The following LRTM3 variants were observed in gnomAD, a reference collection of about 807,000 sequenced individuals.
LRTM3 encodes the protein leucine rich repeat transmembrane protein 3, also known as leucine-rich repeat transmembrane protein 3.
At chr13:102,745,950 G>A in the LRTM3 span, 2 of 1,551,192 alleles carry the variant, frequency 1.3e-6, no homozygotes, top group South Asian at 2.4e-5. Flanking sequence ...GATTTGACAA[G>A]CTCATTATCC....
chr13:102,755,218 C>T, the LRTM3 span, among the ~76,000 whole-genome samples: 1 of 151,192 alleles, frequency 6.6e-6, no homozygotes, highest in African/African-American at 2.4e-5. Flanking sequence ...CCTCTCTGCC[C>T]CCCCAGCTAC....
chr13:102,731,472 T>C, the LRTM3 span: 8 of 1,551,428 alleles, frequency 5.2e-6, no homozygotes, highest in African/African-American at 2.7e-5. Flanking sequence ...TCTTTGGGAG[T>C]AAACTGTTCT....
chr13:102,734,847 G>A, the LRTM3 span: 3 of 1,550,922 alleles, frequency 1.9e-6, no homozygotes, highest in Non-Finnish European at 2.6e-6. Flanking sequence ...TGATGTTTGG[G>A]GAATATTAAG....
At chr13:102,747,973 A>G in the LRTM3 span, 1 of 1,551,108 alleles carries the variant, frequency 6.4e-7, no homozygotes, top group Non-Finnish European at 8.7e-7. Flanking sequence ...GTTCCTTTCT[A>G]TCACATTGTT....
At chr13:102,731,240 T>C in the LRTM3 span, 6 of 1,551,412 alleles carry the variant, frequency 3.9e-6, no homozygotes, top group South Asian at 2.4e-5. Flanking sequence ...TGAATCCTTT[T>C]GGTGTTTATG....
the LRTM3 span, chr13:102,738,110 A>AT: frequency 6.5e-7 from 1 of 1,549,956 alleles, no homozygotes; most frequent in South Asian, 1.2e-5. Context: ...TTCTTGATCC[A>AT]TTTTCCCTGG....
chr13:102,735,105 C>T, the LRTM3 span: 1 of 1,551,248 alleles, frequency 6.4e-7, no homozygotes, highest in Non-Finnish European at 8.7e-7. Context: ...AACATGACAC[C>T]TGGCCCACTT....
chr13:102,744,428 G>A, the LRTM3 span: 1 of 1,550,014 alleles, frequency 6.5e-7, no homozygotes, highest in Non-Finnish European at 8.7e-7. Flanking sequence ...ACGTGGTATT[G>A]AACCAATCTT....
the LRTM3 span, chr13:102,747,299 G>A: frequency 1.9e-6 from 3 of 1,549,002 alleles, no homozygotes; most frequent in South Asian, 1.2e-5. Context: ...CATACCTGCT[G>A]CAATTTTATC....
chr13:102,731,256 A>T, the LRTM3 span: 1 of 1,551,362 alleles, frequency 6.4e-7, no homozygotes, highest in Admixed American at 2.0e-5. Context: ...TTATGTTTTG[A>T]GTTAGGTTCT....
At chr13:102,751,464 G>A in the LRTM3 span, among the ~76,000 whole-genome samples, 1 of 150,758 alleles carries the variant, frequency 6.6e-6, no homozygotes, top group East Asian at 1.9e-4. Context: ...ATATTCTTTG[G>A]TCCCATCCCA....
chr13:102,735,521 A>G, the LRTM3 span: 1 of 1,551,002 alleles, frequency 6.4e-7, no homozygotes, highest in Non-Finnish European at 8.7e-7. Context: ...ATCTTCCTGA[A>G]TCTTTCTCTT....
the LRTM3 span, chr13:102,743,723 T>A: frequency 6.5e-7 from 1 of 1,549,786 alleles, no homozygotes; most frequent in Non-Finnish European, 8.7e-7. Flanking sequence ...TAAATAGGAT[T>A]TACATTTCTT....
chr13:102,730,145 G>C, the LRTM3 span: 4 of 1,549,872 alleles, frequency 2.6e-6, no homozygotes, highest in East Asian at 2.4e-5. Flanking sequence ...AATAATTAAG[G>C]TTTCCTTTCT....
chr13:102,737,677 C>G, the LRTM3 span: 160 of 1,549,272 alleles, frequency 1.0e-4, no homozygotes, highest in Non-Finnish European at 1.3e-4. Flanking sequence ...TTACTTCATC[C>G]TCTTCTTTCT....
chr13:102,743,360 G>C, the LRTM3 span: 1 of 1,550,372 alleles, frequency 6.5e-7, no homozygotes, highest in African/African-American at 1.4e-5. Context: ...TGGAGTGAAG[G>C]AAGTTGTATT....
the LRTM3 span, among the ~76,000 whole-genome samples, chr13:102,750,943 G>T: frequency 6.6e-6 from 1 of 152,142 alleles, no homozygotes; most frequent in Non-Finnish European, 1.5e-5. Flanking sequence ...TACCTCAAAT[G>T]ATTAGTCTCA....
chr13:102,733,841 C>T, the LRTM3 span: 14 of 1,551,376 alleles, frequency 9.0e-6, no homozygotes, highest in Middle Eastern at 1.7e-4. Context: ...TGCCTCTGGG[C>T]GGGGCACATA....
chr13:102,735,007 G>A, the LRTM3 span: 2 of 1,551,158 alleles, frequency 1.3e-6, no homozygotes, highest in East Asian at 2.4e-5. Context: ...GGGGAAAAGA[G>A]GGTCTTGTTA....
Sources: gnomAD v4.1 joint callset for allele counts (sites outside exome capture counted in the v4.1 genomes callset) on GRCh38, gnomAD v4.1.1 for gene constraint, MANE v1.5 for transcripts, NCBI Gene and HGNC (gene_info 2026-07-23, HGNC 2026-07-21) for gene names.